Variants in LUZP2 observed in about 807,000 individuals in gnomAD.
The protein encoded by LUZP2 is leucine zipper protein 2.
A neutral mutation model predicts 51.6 loss-of-function variants in LUZP2; 52 were observed. The observed-to-expected ratio is 1.01, with a 90% CI of 0.81 to 1.27. The LOEUF (loss-of-function observed/expected upper bound fraction) is 1.27. Ranked by LOEUF, LUZP2 falls within the 50% of genes most tolerant of loss-of-function variation. The probability of loss-of-function intolerance (pLI) is 0.00; values close to 1 mark genes in which losing one functional copy is unlikely to be tolerated. For missense variants in LUZP2, 436 were observed against 395.4 expected, an observed-to-expected ratio of 1.10 and a Z score of -0.87; for synonymous variants, 154 against 137.3, an observed-to-expected ratio of 1.12 and a Z score of -0.85.
intron 1 of LUZP2, among the ~76,000 whole-genome samples, chr11:24,551,690 A>C (rs1851729128): frequency 6.6e-6 from 1 of 152,044 alleles, no homozygotes; most frequent in African/African-American, 2.4e-5. Context: ...TCATAATTGG[A>C]AATATAGAGG....
chr11:24,706,729 G>A (rs1174261179), intron 1 of LUZP2, among the ~76,000 whole-genome samples: 4 of 152,250 alleles, frequency 2.6e-5, no homozygotes, highest in Admixed American at 2.6e-4. Context: ...TAATCTACTG[G>A]TAGATATTTC....
At chr11:24,767,740 C>G (rs1860245882) in intron 5 of LUZP2, among the ~76,000 whole-genome samples, 2 of 151,952 alleles carry the variant, frequency 1.3e-5, no homozygotes, top group African/African-American at 4.8e-5. Context: ...CATCCTTGTG[C>G]CTTCAATGTT....
intron 1 of LUZP2, among the ~76,000 whole-genome samples, chr11:24,639,424 T>C (rs1270890742): frequency 1.3e-5 from 2 of 151,756 alleles, no homozygotes; most frequent in African/African-American, 4.9e-5. Context: ...ATATTTTATT[T>C]ACCCTTTACT....
At chr11:24,708,265 C>G (rs1166006080) in intron 1 of LUZP2, among the ~76,000 whole-genome samples, 1 of 152,204 alleles carries the variant, frequency 6.6e-6, no homozygotes, top group African/African-American at 2.4e-5. Flanking sequence ...AAATACTAAT[C>G]TCTTCCACAA....
At chr11:24,877,380 T>A (rs559099946) in intron 5 of LUZP2, among the ~76,000 whole-genome samples, 3 of 152,102 alleles carry the variant, frequency 2.0e-5, no homozygotes, top group Non-Finnish European at 4.4e-5. Flanking sequence ...GAAAGTTGGA[T>A]AAGAAAAAAA....
chr11:24,722,953 G>A (rs1472215701), intron 1 of LUZP2, among the ~76,000 whole-genome samples: 2 of 151,520 alleles, frequency 1.3e-5, no homozygotes, highest in East Asian at 3.9e-4. Context: ...CAAAATTCAA[G>A]CAGCAGAATA....
intron 5 of LUZP2, among the ~76,000 whole-genome samples, chr11:24,883,942 C>G (rs184293137): frequency 1.3e-5 from 2 of 152,098 alleles, no homozygotes; most frequent in African/African-American, 2.4e-5. Flanking sequence ...CTTAATTACT[C>G]TAGTCCCTCA....
intron 1 of LUZP2, among the ~76,000 whole-genome samples, chr11:24,526,247 A>C (rs1394077651): frequency 7.8e-6 from 1 of 128,852 alleles, no homozygotes; most frequent in Non-Finnish European, 1.7e-5. Flanking sequence ...CATTTATATA[A>C]CTCATGACAC....
At chr11:24,531,104 C>T (rs1311395498) in intron 1 of LUZP2, among the ~76,000 whole-genome samples, 40 of 140,172 alleles carry the variant, frequency 2.9e-4, no homozygotes, top group Non-Finnish European at 3.1e-5. Flanking sequence ...CATAAAAAAG[C>T]AACTTCATAA....
At chr11:24,891,931 G>A in intron 5 of LUZP2, 3 of 985,572 alleles carry the variant, frequency 3.0e-6, no homozygotes, top group Non-Finnish European at 3.6e-6. Flanking sequence ...GAAAAGAGGT[G>A]AAAAATGGCT....
intron 1 of LUZP2, among the ~76,000 whole-genome samples, chr11:24,640,622 C>T (rs571635738): frequency 4.0e-5 from 6 of 151,684 alleles, no homozygotes; most frequent in Non-Finnish European, 8.8e-5. Flanking sequence ...TGAAAAATAT[C>T]GTGTTATTTG....
At chr11:24,703,853 A>G (rs1288152206) in intron 1 of LUZP2, among the ~76,000 whole-genome samples, 11 of 54,036 alleles carry the variant, frequency 2.0e-4, no homozygotes, top group Admixed American at 7.2e-4. Flanking sequence ...ACAAACAAAC[A>G]AAAAAAACGA....
At chr11:24,803,364 A>G (rs1474481533) in intron 5 of LUZP2, among the ~76,000 whole-genome samples, 1 of 152,048 alleles carries the variant, frequency 6.6e-6, no homozygotes, top group Non-Finnish European at 1.5e-5. Flanking sequence ...ACAAAAAACA[A>G]CAACAGAAAA....
In LUZP2 at chr11:24,911,422, A is replaced by C. The variant is rs982211019; in HGVS notation, c.460-3054A>C. On this transcript the variant is annotated intron_variant, in intron 6 of 11. Transcript: ENST00000336930. ...TCCCATAATCTCCACATTTCAAAGG[A>C]GGGTCCTGGTGGGAGGTAATTGAAT... Among the ~76,000 whole-genome samples the C allele has an allele frequency of 2.0e-5, 3 of 152,270 alleles. No individual in the cohort carries two copies. In the South Asian group the frequency reaches 6.2e-4, roughly 32 times the overall value.
At chr11:24,557,835 C>G (rs1474570113) in intron 1 of LUZP2, among the ~76,000 whole-genome samples, 3 of 152,052 alleles carry the variant, frequency 2.0e-5, no homozygotes, top group African/African-American at 7.2e-5. Flanking sequence ...ATTCAGATAG[C>G]TAATAAAACA....
intron 1 of LUZP2, among the ~76,000 whole-genome samples, chr11:24,662,794 T>A (rs2133985289): frequency 6.6e-6 from 1 of 152,190 alleles, no homozygotes; most frequent in African/African-American, 2.4e-5. Context: ...AAATATTTAA[T>A]TAAAATTATT....
In LUZP2 at chr11:24,529,729, T is replaced by A. The variant is rs1207094324; in HGVS notation, c.62+32424T>A. On this transcript the variant is annotated intron_variant, in intron 1 of 11. Transcript: ENST00000336930. ...ATTTAATAGAGCAAAAGAATATGAT[T>A]GTTTAATTAAGTTAGCCTATAATAC... Among the ~76,000 whole-genome samples, 3 of 151,148 alleles carry A rather than the reference T, an allele frequency of 2.0e-5. No homozygotes were observed. The East Asian group carries it at 5.8e-4, about 29-fold the overall frequency.
chr11:25,005,501 C>G (rs1856808360), intron 9 of LUZP2, among the ~76,000 whole-genome samples: 1 of 152,068 alleles, frequency 6.6e-6, no homozygotes, highest in Non-Finnish European at 1.5e-5. Flanking sequence ...AAAAAATGAG[C>G]CATCTCTTTT....
At chr11:25,049,613 C>T (rs773464997) in intron 9 of LUZP2, among the ~76,000 whole-genome samples, 15 of 151,860 alleles carry the variant, frequency 9.9e-5, no homozygotes, top group Non-Finnish European at 2.1e-4. Flanking sequence ...TGAAGTGTTA[C>T]GAATCATTTT....
Sources: allele counts gnomAD v4.1 joint callset (sites outside exome capture counted in the v4.1 genomes callset), GRCh38; gene constraint gnomAD v4.1.1; transcripts MANE v1.5; gene names NCBI Gene and HGNC (gene_info 2026-07-23, HGNC 2026-07-21).